Variants in TNR observed in about 807,000 individuals in gnomAD.
TNR encodes tenascin-R.
A neutral mutation model predicts 150.4 loss-of-function variants in TNR; 45 were observed. The observed-to-expected ratio is 0.30, with a 90% confidence interval of 0.24 to 0.38. The LOEUF is 0.38. Among genes scored for constraint, TNR ranks in the 10% least tolerant of loss-of-function variants. TNR has a pLI of 1.00. For synonymous variants in TNR, 687 were observed against 678.4 expected (o/e 1.01, Z -0.20); for missense variants, 1,544 against 1,759.1 (o/e 0.88, Z 2.19).
At chr1:175,515,902 C>G (rs1333088543) in intron 2 of TNR, among the ~76,000 whole-genome samples, 2 of 152,170 alleles carry the variant, frequency 1.3e-5, no homozygotes. Flanking sequence ...ATCCAGCTCA[C>G]TTGAAAAAGT....
chr1:175,633,622 C>T (rs748903582), intron 1 of TNR, among the ~76,000 whole-genome samples: 17 of 152,042 alleles, frequency 1.1e-4, no homozygotes, highest in African/African-American at 3.1e-4. Flanking sequence ...TTGATTTAAT[C>T]GCAAATGCCA....
chr1:175,703,459 G>A (rs1666757807), intron 1 of TNR, among the ~76,000 whole-genome samples: 1 of 152,148 alleles, frequency 6.6e-6, no homozygotes, highest in Non-Finnish European at 1.5e-5. Context: ...ATGTTTCTAT[G>A]AAAACTGCCT....
At chr1:175,550,370 A>T (rs991107333) in intron 1 of TNR, among the ~76,000 whole-genome samples, 2 of 152,162 alleles carry the variant, frequency 1.3e-5, no homozygotes, top group African/African-American at 4.8e-5. Context: ...TTACCCTCTG[A>T]GATGCTGAAT....
chr1:175,638,889 T>A (rs927588037), intron 1 of TNR, among the ~76,000 whole-genome samples: 1 of 152,226 alleles, frequency 6.6e-6, no homozygotes, highest in Non-Finnish European at 1.5e-5. Flanking sequence ...TTCTTTCTTA[T>A]GAAAATACAG....
intron 1 of TNR, among the ~76,000 whole-genome samples, chr1:175,732,507 G>A (rs549723425): frequency 6.6e-6 from 1 of 152,376 alleles, no homozygotes; most frequent in South Asian, 2.1e-4. Context: ...ACTCCCCAAG[G>A]AAGGGGGTAG....
chr1:175,453,703 C>G (rs772532746), intron 2 of TNR, among the ~76,000 whole-genome samples: 2 of 151,982 alleles, frequency 1.3e-5, no homozygotes, highest in East Asian at 1.9e-4. Context: ...TCCCAAGTAG[C>G]TGGGACTACA....
rs1037330656 is a variant in TNR, at chr1:175,519,370, C to T, written c.-64+8899G>A. On this transcript the variant is annotated intron_variant, in intron 2 of 22. Transcript: ENST00000367674. Reference sequence around the variant, plus strand: ...ATTTTGAGCTCATGGTGGACTAGACCTCATTTCCTTCCAAGAGCACTTAGC... The same window carrying T: ...ATTTTGAGCTCATGGTGGACTAGACTTCATTTCCTTCCAAGAGCACTTAGC... 2.6e-5 allele frequency among the ~76,000 whole-genome samples: 4 copies of T among 152,282 alleles called. 1 individual carries two copies.
intron 8 of TNR, 100 bp downstream of exon 8, chr1:175,385,932 C>A: frequency 7.3e-7 from 1 of 1,372,424 alleles, no homozygotes; most frequent in South Asian, 1.5e-5. Flanking sequence ...CTCTGACACA[C>A]CTTGCCTCAT....
chr1:175,721,491 A>T lies in TNR; in HGVS notation c.-165+21735T>A, dbSNP rs542648137. Reference sequence around the variant, plus strand: ...CCACCCAGGTTTTTAAACCAGACTGATCTGTCGCCATTCCACCCAGCTGCC... The same window carrying T: ...CCACCCAGGTTTTTAAACCAGACTGTTCTGTCGCCATTCCACCCAGCTGCC... On this transcript the variant is annotated intron_variant, in intron 1 of 22. Coordinates refer to ENST00000367674, the MANE Select transcript of TNR (RefSeq NM_003285.3). Among the ~76,000 whole-genome samples the T allele has an allele frequency of 1.1e-4, 16 of 152,168 alleles. No homozygotes were observed. The East Asian group carries it at 2.7e-3, about 26-fold the overall frequency.
At chr1:175,632,009 A>T (rs1206507694) in intron 1 of TNR, among the ~76,000 whole-genome samples, 2 of 152,310 alleles carry the variant, frequency 1.3e-5, no homozygotes, top group South Asian at 2.1e-4. Flanking sequence ...CAATTTTTGC[A>T]TTAGAGGAGA....
intron 1 of TNR, among the ~76,000 whole-genome samples, chr1:175,597,839 T>G (rs1440315396): frequency 6.6e-6 from 1 of 152,216 alleles, no homozygotes; most frequent in African/African-American, 2.4e-5. Flanking sequence ...AAATGGAAAC[T>G]ACTGACTTTT....
Position 175,572,258 on chromosome 1 carries a change from T to C in TNR, c.-164-43889A>G, listed in dbSNP as rs142473476. 7.5e-3 allele frequency among the ~76,000 whole-genome samples: 1,140 copies of C among 152,308 alleles called. 42 individuals carry two copies. Among genetic ancestry groups the C allele is most frequent in the Admixed American group, 0.063 (965 of 15,290 alleles). On this transcript the variant is annotated intron_variant, in intron 1 of 22. Coordinates refer to ENST00000367674, the MANE Select transcript of TNR (RefSeq NM_003285.3). ...CCATTTCATTCATTTGCTCATTCAT[T>C]CATTCAACAATTTCTTGAATGTCCT...
At chr1:175,325,308 C>T (rs570766220) in intron 21 of TNR, among the ~76,000 whole-genome samples, 26 of 152,274 alleles carry the variant, frequency 1.7e-4, no homozygotes, top group Non-Finnish European at 3.1e-4. Context: ...CAAATCAAAA[C>T]CACAATGAGA....
intron 2 of TNR, among the ~76,000 whole-genome samples, chr1:175,479,549 TTCC>T (rs1180945121): frequency 9.2e-5 from 14 of 152,164 alleles, no homozygotes; most frequent in African/African-American, 3.4e-4. Flanking sequence ...TTCTCAAGTT[TTCC>T]ATGAGCCCCA....
At chr1:175,616,322 A>C (rs1183201774) in intron 1 of TNR, among the ~76,000 whole-genome samples, 1 of 152,176 alleles carries the variant, frequency 6.6e-6, no homozygotes, top group Non-Finnish European at 1.5e-5. Context: ...CTTGGCATGC[A>C]GGCATTACAG....
Position 175,359,621 on chromosome 1 carries a change from G to A in TNR, c.2965C>T (p.His989Tyr), listed in dbSNP as rs1379095180. ...EVENYVIVLT[H>Y]FAVAGETILV... ...GCCTGCAGACACCCACCTGCAAAGT[G>A]TGTAAGAACAATGACGTAGTTCTCC... The change falls in exon 15 of 23, where the codon CAC becomes TAC. Residue 989 changes from histidine (H) to tyrosine (Y), a missense_variant. His to Tyr is a moderately conservative substitution (Grantham distance 83). Transcript: ENST00000367674. 3 of 1,613,452 alleles carry A rather than the reference G, an allele frequency of 1.9e-6. No homozygotes were observed.
chr1:175,736,494 C>G (rs930750029), intron 1 of TNR, among the ~76,000 whole-genome samples: 3 of 151,798 alleles, frequency 2.0e-5, no homozygotes, highest in African/African-American at 7.3e-5. Flanking sequence ...GCACTCCAGC[C>G]TGGACGACAG....
intron 2 of TNR, among the ~76,000 whole-genome samples, chr1:175,446,784 G>A (rs1040805752): frequency 2.0e-5 from 3 of 152,146 alleles, no homozygotes. Context: ...ATGGCCCTAA[G>A]ATAGCCTGCA....
intron 2 of TNR, among the ~76,000 whole-genome samples, chr1:175,437,827 G>GGAAGAAGTTGAATCTCCAA (rs1220763512): frequency 1.1e-4 from 16 of 152,268 alleles, no homozygotes; most frequent in Non-Finnish European, 2.1e-4. Flanking sequence ...GACTAAACCA[G>GGAAGAAGTTGAATCTCCAA]GAAGAAGTTG....
Sources: allele counts gnomAD v4.1 joint callset (sites outside exome capture counted in the v4.1 genomes callset), GRCh38; gene constraint gnomAD v4.1.1; transcripts MANE v1.5; gene names NCBI Gene and HGNC (gene_info 2026-07-23, HGNC 2026-07-21).